CEP112: variants seen among roughly 807,000 people sequenced by gnomAD.
CEP112 encodes the protein centrosomal protein of 112 kDa.
CEP112 carries 127 observed loss-of-function variants against 153.0 expected under a neutral mutation model. The ratio of observed to expected loss-of-function variants is 0.83; its 90% CI spans 0.72 to 0.96. The LOEUF (loss-of-function observed/expected upper bound fraction) is 0.96, where lower values mean the gene tolerates loss of function less well. Ranked by LOEUF, CEP112 falls within the 40% of genes least tolerant of loss-of-function variation. The pLI, the probability that CEP112 is intolerant of heterozygous loss-of-function variation, is 0.00. For missense variants in CEP112, 1,089 were observed against 1,101.2 expected, an observed-to-expected ratio of 0.99 and a Z score of 0.16; for synonymous variants, 358 against 374.4, an observed-to-expected ratio of 0.96 and a Z score of 0.51.
At chr17:66,008,658 G>A (rs566757879) in intron 16 of CEP112, among the ~76,000 whole-genome samples, 6 of 152,124 alleles carry the variant, frequency 3.9e-5, no homozygotes, top group African/African-American at 1.2e-4. Context: ...CTAAAACTTT[G>A]TACCCTTTAA....
chr17:66,127,711 A>C (rs2069915733), intron 6 of CEP112, among the ~76,000 whole-genome samples: 1 of 152,090 alleles, frequency 6.6e-6, no homozygotes, highest in Non-Finnish European at 1.5e-5. Flanking sequence ...GTGTGACTCC[A>C]ACATATACCT....
intron 3 of CEP112, chr17:66,176,582 C>T (rs991759268): frequency 3.3e-5 from 10 of 306,766 alleles, no homozygotes; most frequent in East Asian, 1.6e-4. Flanking sequence ...TAAAAAATTT[C>T]GTTTTCAGTT....
chr17:65,738,307 T>C lies in CEP112; in HGVS notation c.2607+4761A>G, dbSNP rs551150571. ...GTGAAAATACTACTACTATCCAAGG[T>C]AGGAGGTGGCAGGGAAGGGTTACGG... On this transcript the variant is annotated intron_variant, in intron 23 of 26. Transcript: ENST00000535342. 5.3e-5 allele frequency among the ~76,000 whole-genome samples: 8 copies of C among 152,192 alleles called. No individual in the cohort carries two copies. The South Asian group carries it at 1.0e-3, about 20-fold the overall frequency.
chr17:66,188,379 ACTC>A (rs2073024924), intron 1 of CEP112, among the ~76,000 whole-genome samples: 1 of 147,322 alleles, frequency 6.8e-6, no homozygotes, highest in Non-Finnish European at 1.5e-5. Flanking sequence ...GCCACAATGA[ACTC>A]CTCACCATGG....
chr17:66,027,143 G>A lies in CEP112; in HGVS notation c.1656+358C>T, dbSNP rs190410025. Among the ~76,000 whole-genome samples, 71 of 152,300 alleles carry A rather than the reference G, an allele frequency of 4.7e-4. 1 individual carries two copies. In the East Asian group the frequency reaches 0.011, roughly 24 times the overall value. ...TGGAATCCCAGCACTTTGGGAGGCC[G>A]AGACGGGCGGATCACTTGAGGCCAG... On this transcript the variant is annotated intron_variant, in intron 16 of 26. Coordinates refer to ENST00000535342, the MANE Select transcript of CEP112 (RefSeq NM_001199165.4).
chr17:65,892,514 G>A (rs1473316388), intron 20 of CEP112, among the ~76,000 whole-genome samples: 1 of 150,748 alleles, frequency 6.6e-6, no homozygotes, highest in Non-Finnish European at 1.5e-5. Flanking sequence ...TATGGCAGTA[G>A]ATGATGATTT....
In CEP112 at chr17:66,073,735, G is replaced by A. The variant is rs557357959; in HGVS notation, c.769-3734C>T. On this transcript the variant is annotated intron_variant, in intron 8 of 26. Coordinates refer to ENST00000535342, the MANE Select transcript of CEP112 (RefSeq NM_001199165.4). ...TCCCATGGTGTTGGATAATATCTTTGGCTTTCTATGTATTTGCCTTAACAG... is the reference window on the plus strand; with the variant it reads ...TCCCATGGTGTTGGATAATATCTTTAGCTTTCTATGTATTTGCCTTAACAG... Among the ~76,000 whole-genome samples, 10 of 152,176 alleles carry A rather than the reference G, an allele frequency of 6.6e-5. No homozygotes were observed. In the South Asian group the frequency reaches 2.1e-3, roughly 32 times the overall value.
intron 21 of CEP112, among the ~76,000 whole-genome samples, chr17:65,821,101 G>T (rs1461036570): frequency 9.7e-6 from 1 of 103,444 alleles, no homozygotes; most frequent in Non-Finnish European, 1.9e-5. Flanking sequence ...ATAATAATTT[G>T]TAATACATTC....
At chr17:65,806,815 C>T (rs1229317385) in intron 21 of CEP112, among the ~76,000 whole-genome samples, 2 of 152,160 alleles carry the variant, frequency 1.3e-5, no homozygotes, top group Non-Finnish European at 2.9e-5. Context: ...AACCTCTTTT[C>T]TTCATAAATT....
rs565123027 is a variant in CEP112 at position 65,880,359 on chromosome 17, G to A, written c.2163+21793C>T. ...AAGTCATGATAATGGATATCATCAC[G>A]ATTTCTGTTACTATGAGCAAATACT... is the stretch of plus-strand genomic sequence containing the variant. On this transcript the variant is annotated intron_variant, in intron 20 of 26. Transcript: ENST00000535342. Among the ~76,000 whole-genome samples, 8 of 152,152 alleles carry A rather than the reference G, an allele frequency of 5.3e-5. No individual in the cohort carries two copies. In the East Asian group the frequency reaches 1.4e-3, roughly 26 times the overall value.
At chr17:66,087,629 T>G (rs1332026096) in intron 8 of CEP112, among the ~76,000 whole-genome samples, 1 of 152,140 alleles carries the variant, frequency 6.6e-6, no homozygotes, top group African/African-American at 2.4e-5. Flanking sequence ...AAAAATCAAT[T>G]TGAACATAAA....
intron 16 of CEP112, among the ~76,000 whole-genome samples, chr17:66,027,142 C>T (rs1437074285): frequency 1.3e-5 from 2 of 152,078 alleles, no homozygotes; most frequent in Admixed American, 1.3e-4. Context: ...TTTGGGAGGC[C>T]GAGACGGGCG....
intron 20 of CEP112, among the ~76,000 whole-genome samples, chr17:65,901,113 G>A (rs1283735557): frequency 1.3e-5 from 2 of 152,128 alleles, no homozygotes; most frequent in East Asian, 3.9e-4. Flanking sequence ...AATTAGTAGT[G>A]TGTTTATGTT....
Position 65,641,004 on chromosome 17 carries a change from C to T in CEP112, c.2759G>A (p.Arg920Lys). The change falls in exon 25 of 27, where the codon AGA (arginine) becomes AAA (lysine). Residue 920 changes from arginine to lysine, a missense_variant. By Grantham distance (26) the Arg-to-Lys change is conservative. Coordinates refer to ENST00000535342, the MANE Select transcript of CEP112 (RefSeq NM_001199165.4). ...KLKGLMPASL[R>K]QELEDTISSL... ...GGAAATGGTGTCTTCAAGTTCTTGT[C>T]TTAGGGATGCTGGCATCAATCCTTT... The T allele has an allele frequency of 6.2e-7, 1 of 1,611,548 alleles. No individual in the cohort carries two copies.
chr17:65,674,050 T>C (rs1178279836), intron 24 of CEP112, among the ~76,000 whole-genome samples: 1 of 152,136 alleles, frequency 6.6e-6, no homozygotes, highest in African/African-American at 2.4e-5. Flanking sequence ...CTAATTTTTA[T>C]ATTTTTAGTA....
intron 18 of CEP112, among the ~76,000 whole-genome samples, chr17:65,935,639 T>C (rs1231189524): frequency 2.6e-5 from 4 of 151,434 alleles, no homozygotes; most frequent in African/African-American, 9.7e-5. Flanking sequence ...CACAAATATG[T>C]GAAAATAACA....
chr17:66,015,871 T>C (rs2064748810), intron 16 of CEP112, among the ~76,000 whole-genome samples: 1 of 152,238 alleles, frequency 6.6e-6, no homozygotes, highest in South Asian at 2.1e-4. Flanking sequence ...ATATCAGTTG[T>C]TATATACTGG....
intron 18 of CEP112, among the ~76,000 whole-genome samples, chr17:65,930,488 A>G (rs1469903418): frequency 6.6e-6 from 1 of 152,214 alleles, no homozygotes; most frequent in Admixed American, 6.5e-5. Context: ...CATGCTATTT[A>G]GCACCCAAGT....
rs75447230 is a variant in CEP112, at chr17:66,186,531, C to G, written c.-8-3224G>C. Among the ~76,000 whole-genome samples the G allele has an allele frequency of 1.5e-3, 222 of 152,172 alleles. 3 individuals carry two copies. In the East Asian group the frequency reaches 0.039, roughly 27 times the overall value. ...GTCTTGATCTCCTGACCTCGTGATC[C>G]GCCTGCCTCGGCCTCCCAAAGTGCT... On this transcript the variant is annotated intron_variant, in intron 1 of 26. Transcript: ENST00000535342.
Sources: allele counts gnomAD v4.1 joint callset (sites outside exome capture counted in the v4.1 genomes callset), GRCh38; gene constraint gnomAD v4.1.1; transcripts MANE v1.5; gene names NCBI Gene and HGNC (gene_info 2026-07-23, HGNC 2026-07-21).